NCAM1: variants seen among roughly 807,000 people sequenced by gnomAD.
NCAM1 encodes the protein neural cell adhesion molecule 1.
Under a neutral mutation model 109.8 loss-of-function variants are expected in NCAM1, and 14 were observed. The observed-to-expected ratio is 0.13, with a 90% confidence interval of 0.08 to 0.20. NCAM1 has a LOEUF of 0.20. Ranked by LOEUF, NCAM1 falls within the 10% of genes least tolerant of loss-of-function variation. The pLI is 1.00. For missense variants in NCAM1, 774 were observed against 1,109.9 expected, an observed-to-expected ratio of 0.70 and a Z score of 4.30; for synonymous variants, 418 against 442.9, an observed-to-expected ratio of 0.94 and a Z score of 0.70.
chr11:113,258,873 T>C (rs1255151672), intron 16 of NCAM1, among the ~76,000 whole-genome samples: 3 of 152,184 alleles, frequency 2.0e-5, no homozygotes, highest in African/African-American at 4.8e-5. Flanking sequence ...AGCTCCAGCC[T>C]TGACTGCAGG....
intron 1 of NCAM1, among the ~76,000 whole-genome samples, chr11:113,083,996 G>A (rs1283560795): frequency 6.6e-6 from 1 of 152,160 alleles, no homozygotes; most frequent in Non-Finnish European, 1.5e-5. Flanking sequence ...AGAAATGAAA[G>A]GAATGCTCCA....
At chr11:113,200,142 A>G (rs1337098905) in intron 1 of NCAM1, among the ~76,000 whole-genome samples, 1 of 152,212 alleles carries the variant, frequency 6.6e-6, no homozygotes, top group African/African-American at 2.4e-5. Flanking sequence ...AATACTCAGC[A>G]TATGGTCCAG....
At chr11:113,086,261 G>A (rs1939083370) in intron 1 of NCAM1, among the ~76,000 whole-genome samples, 1 of 152,166 alleles carries the variant, frequency 6.6e-6, no homozygotes, top group Non-Finnish European at 1.5e-5. Context: ...CTGGCCCCAG[G>A]GAGTCTAGCA....
chr11:113,171,633 CAATAAATAAATAAATAAATA>C (rs58639337), intron 1 of NCAM1, among the ~76,000 whole-genome samples: 6 of 149,492 alleles, frequency 4.0e-5, no homozygotes, highest in Admixed American at 6.7e-5. Flanking sequence ...GACTTTGTCT[CAATAAATAAATAAATAAATA>C]AATAAATAAA....
At chr11:113,134,631 A>G (rs1941532918) in intron 1 of NCAM1, among the ~76,000 whole-genome samples, 1 of 152,132 alleles carries the variant, frequency 6.6e-6, no homozygotes, top group Non-Finnish European at 1.5e-5. Context: ...TCCCTGTCCT[A>G]TAACCCAGCA....
intron 1 of NCAM1, among the ~76,000 whole-genome samples, chr11:113,173,359 T>C (rs941026740): frequency 1.3e-5 from 2 of 151,874 alleles, no homozygotes; most frequent in African/African-American, 4.8e-5. Context: ...GGGGTCTAAT[T>C]TGAATTACTT....
intron 1 of NCAM1, among the ~76,000 whole-genome samples, chr11:113,044,956 G>A (rs996812569): frequency 1.3e-5 from 2 of 149,004 alleles, no homozygotes; most frequent in East Asian, 2.0e-4. Flanking sequence ...GGGTTTCACC[G>A]TGTTAGCAAG....
intron 1 of NCAM1, among the ~76,000 whole-genome samples, chr11:113,069,756 A>G (rs1753792281): frequency 6.6e-6 from 1 of 152,228 alleles, no homozygotes; most frequent in South Asian, 2.1e-4. Context: ...TTGACAGAAT[A>G]TGGAGACAGT....
At chr11:113,157,880 A>C (rs2136323344) in intron 1 of NCAM1, among the ~76,000 whole-genome samples, 1 of 152,198 alleles carries the variant, frequency 6.6e-6, no homozygotes, top group Middle Eastern at 3.4e-3. Flanking sequence ...CTTCAATAGA[A>C]ATGTATGAAG....
At chr11:113,106,935 TCTC>T (rs1565440213) in intron 1 of NCAM1, among the ~76,000 whole-genome samples, 2 of 152,358 alleles carry the variant, frequency 1.3e-5, no homozygotes, top group East Asian at 3.9e-4. Flanking sequence ...GCTTGTGGTC[TCTC>T]CTCCTCGATT....
chr11:113,089,028 A>G (rs1233766948), intron 1 of NCAM1, among the ~76,000 whole-genome samples: 1 of 152,164 alleles, frequency 6.6e-6, no homozygotes, highest in Non-Finnish European at 1.5e-5. Context: ...CAAAAATTAT[A>G]AGGCAGCCGG....
At chr11:113,223,454 TA>T (rs782230687) in intron 9 of NCAM1, among the ~76,000 whole-genome samples, 70 of 146,606 alleles carry the variant, frequency 4.8e-4, no homozygotes, top group East Asian at 1.2e-3. Context: ...AGATAGGAAT[TA>T]AAAAAAAAAA....
intron 1 of NCAM1, among the ~76,000 whole-genome samples, chr11:112,998,955 C>T (rs1252048779): frequency 6.6e-6 from 1 of 152,140 alleles, no homozygotes; most frequent in Non-Finnish European, 1.5e-5. Flanking sequence ...ATCATAGTTT[C>T]ATTCTTGATG....
chr11:113,167,631 G>A (rs1190686692), intron 1 of NCAM1, among the ~76,000 whole-genome samples: 4 of 152,070 alleles, frequency 2.6e-5, no homozygotes, highest in African/African-American at 7.2e-5. Context: ...GCCTGTTGGG[G>A]TTGAGTTAGT....
intron 1 of NCAM1, among the ~76,000 whole-genome samples, chr11:113,079,705 G>T (rs2135660030): frequency 6.6e-6 from 1 of 152,232 alleles, no homozygotes; most frequent in East Asian, 1.9e-4. Context: ...GTGTTTGATG[G>T]ATGTCATGCC....
intron 2 of NCAM1, among the ~76,000 whole-genome samples, chr11:113,203,759 G>A (rs1478472015): frequency 3.9e-5 from 6 of 152,226 alleles, no homozygotes; most frequent in African/African-American, 1.4e-4. Flanking sequence ...TAGAATAAAT[G>A]TGGCTGGAAA....
intron 1 of NCAM1, among the ~76,000 whole-genome samples, chr11:113,059,360 T>A (rs531940624): frequency 6.6e-6 from 1 of 152,324 alleles, no homozygotes; most frequent in African/African-American, 2.4e-5. Flanking sequence ...GCTGCCTTCT[T>A]TTCCTCCTGT....
intron 1 of NCAM1, among the ~76,000 whole-genome samples, chr11:113,136,025 T>A (rs797042569): frequency 2.0e-5 from 3 of 152,256 alleles, no homozygotes; most frequent in African/African-American, 7.2e-5. Context: ...TAAATTGAAA[T>A]TAAAAAGTAA....
intron 17 of NCAM1, chr11:113,263,125 A>G: frequency 3.9e-6 from 5 of 1,269,568 alleles, no homozygotes; most frequent in Middle Eastern, 2.1e-4. Flanking sequence ...GTGCCACTTC[A>G]TAAGGAGTTT....
Sources: gnomAD v4.1 joint callset for allele counts (sites outside exome capture counted in the v4.1 genomes callset) on GRCh38, gnomAD v4.1.1 for gene constraint, MANE v1.5 for transcripts, NCBI Gene and HGNC (gene_info 2026-07-23, HGNC 2026-07-21) for gene names.